TASP1: variants seen among roughly 807,000 people sequenced by gnomAD.
The protein encoded by TASP1 is threonine aspartase 1.
Under a neutral mutation model 56.6 loss-of-function variants are expected in TASP1, and 16 were observed. The observed-to-expected ratio is 0.28, with a 90% CI of 0.19 to 0.43. The LOEUF (loss-of-function observed/expected upper bound fraction) is 0.43, where lower values mean the gene tolerates loss of function less well. Ranked by LOEUF, TASP1 falls within the 20% of genes least tolerant of loss-of-function variation. TASP1 has a pLI of 1.00. For synonymous variants in TASP1, 179 were observed against 184.2 expected, an observed-to-expected ratio of 0.97 and a Z score of 0.23; for missense variants, 393 against 511.6, an observed-to-expected ratio of 0.77 and a Z score of 2.24.
intron 3 of TASP1, among the ~76,000 whole-genome samples, chr20:13,623,732 A>G (rs2147533863): frequency 6.6e-6 from 1 of 152,366 alleles, no homozygotes; most frequent in African/African-American, 2.4e-5. Context: ...AAATTAAAAC[A>G]ATAAAATCTA....
intron 7 of TASP1, among the ~76,000 whole-genome samples, chr20:13,564,524 T>A (rs6042217): frequency 0.011 from 1,691 of 151,490 alleles, 41 homozygotes; most frequent in African/African-American, 0.038. Context: ...AATCTACAGA[T>A]TCAGTGTAAT....
intron 6 of TASP1, among the ~76,000 whole-genome samples, chr20:13,578,028 C>T (rs1009796258): frequency 6.6e-6 from 1 of 152,174 alleles, no homozygotes; most frequent in African/African-American, 2.4e-5. Context: ...GATAGAAATG[C>T]TGGAGCATAC....
At chr20:13,299,488 C>T in the TASP1 span, 3 of 1,569,762 alleles carry the variant, frequency 1.9e-6, no homozygotes, top group Non-Finnish European at 1.7e-6. The surrounding 1 kb of genome is among the most constrained non-coding windows in gnomAD (Gnocchi z 5.8). Flanking sequence ...GAGGACGCTG[C>T]CTCTGGTTCT....
At chr20:13,161,122 A>G in the TASP1 span, among the ~76,000 whole-genome samples, 1 of 152,220 alleles carries the variant, frequency 6.6e-6, no homozygotes, top group African/African-American at 2.4e-5. Flanking sequence ...CAAATATTAC[A>G]AATGAATGGA....
chr20:13,117,869 A>G, the TASP1 span: 3 of 702,776 alleles, frequency 4.3e-6, no homozygotes, highest in Non-Finnish European at 2.3e-6. Context: ...GTGGGTTCAC[A>G]GCCAGATAAG....
chr20:13,531,787 C>A (rs190135004), intron 9 of TASP1, among the ~76,000 whole-genome samples: 59 of 152,302 alleles, frequency 3.9e-4, no homozygotes, highest in Admixed American at 1.3e-3. Flanking sequence ...CCTTATCCCC[C>A]CCAACTGGCT....
At chr20:13,512,698 T>C (rs935968344) in intron 10 of TASP1, among the ~76,000 whole-genome samples, 1 of 152,214 alleles carries the variant, frequency 6.6e-6, no homozygotes, top group East Asian at 1.9e-4. Flanking sequence ...CTGAATGGTA[T>C]TGCCTAGGTT....
At chr20:13,137,408 G>C in the TASP1 span, among the ~76,000 whole-genome samples, 1 of 152,004 alleles carries the variant, frequency 6.6e-6, no homozygotes, top group South Asian at 2.1e-4. Context: ...CTGGGAGAAG[G>C]CTCTCCATTC....
the TASP1 span, among the ~76,000 whole-genome samples, chr20:13,142,192 A>AAG: frequency 3.3e-5 from 5 of 152,160 alleles, no homozygotes; most frequent in Non-Finnish European, 7.4e-5. Flanking sequence ...AAAGAATGTA[A>AAG]AGAGAATCTG....
At chr20:13,486,199 G>T (rs939062729) in intron 10 of TASP1, among the ~76,000 whole-genome samples, 1 of 152,158 alleles carries the variant, frequency 6.6e-6, no homozygotes, top group African/African-American at 2.4e-5. Context: ...GAGCTGAAGT[G>T]TGATTCAAAG....
intron 11 of TASP1, among the ~76,000 whole-genome samples, chr20:13,475,221 A>G (rs973577294): frequency 4.6e-5 from 7 of 152,136 alleles, no homozygotes; most frequent in Non-Finnish European, 8.8e-5. Context: ...GATTTTGCTA[A>G]GATATCTTAA....
chr20:13,172,145 T>C, the TASP1 span, among the ~76,000 whole-genome samples: 1 of 152,092 alleles, frequency 6.6e-6, no homozygotes, highest in Non-Finnish European at 1.5e-5. Flanking sequence ...GAAAGCATTA[T>C]AATCCCTGAG....
rs115453045 is a variant in TASP1, at chr20:13,391,450, A to T, written c.1171-998T>A. 4.4e-3 allele frequency among the ~76,000 whole-genome samples: 666 copies of T among 152,262 alleles called. 5 individuals are homozygous for T. Among genetic ancestry groups the T allele is most frequent in the African/African-American group, 0.015 (644 of 41,554 alleles). On this transcript the variant is annotated intron_variant, in intron 13 of 13. Transcript: ENST00000337743. ...TCTAAGAAGAAAGAGGGGCTGCATA[A>T]ACTTCACGCAATCCTCTCTACTTGT... is the stretch of plus-strand genomic sequence containing the variant.
the TASP1 span, among the ~76,000 whole-genome samples, chr20:13,248,561 C>T: frequency 2.0e-5 from 3 of 152,346 alleles, no homozygotes; most frequent in South Asian, 6.2e-4. Flanking sequence ...TTGAACTTTA[C>T]CTCTTGAGCC....
chr20:13,362,808 AATAT>A, the TASP1 span, among the ~76,000 whole-genome samples: 50 of 114,838 alleles, frequency 4.4e-4, 1 homozygote, highest in Middle Eastern at 4.5e-3. Flanking sequence ...AATAGCAAGA[AATAT>A]ATATATATAT....
chr20:13,478,346 TAC>T lies in TASP1; in HGVS notation c.985+4879_985+4880del, dbSNP rs35289716. Among the ~76,000 whole-genome samples, 732 of 140,160 alleles carry T rather than the reference TAC, an allele frequency of 5.2e-3. 1 individual carries two copies. Among genetic ancestry groups the T allele is most frequent in the African/African-American group, 0.015 (579 of 37,838 alleles). 92.0% of individuals were successfully genotyped at this position (140,160 alleles called of 152,430 possible). ...CAACAGATGACTAAAGAAAATATGA[TAC>T]ACACACACACACACACACACACACA... On this transcript the variant is annotated intron_variant, in intron 11 of 13. Coordinates refer to ENST00000337743, the MANE Select transcript of TASP1 (RefSeq NM_017714.3).
chr20:13,406,696 T>C (rs2123689154), intron 13 of TASP1, among the ~76,000 whole-genome samples: 1 of 145,132 alleles, frequency 6.9e-6, no homozygotes, highest in African/African-American at 2.5e-5. Flanking sequence ...TGAGACAGTC[T>C]CACTCTGTCA....
intron 10 of TASP1, among the ~76,000 whole-genome samples, chr20:13,496,343 C>T (rs764394959): frequency 3.8e-4 from 58 of 152,200 alleles, no homozygotes; most frequent in Non-Finnish European, 6.8e-4. Flanking sequence ...GAGTGAGCCA[C>T]TGCGCCCGGT....
At chr20:13,198,567 T>C in the TASP1 span, among the ~76,000 whole-genome samples, 1 of 152,212 alleles carries the variant, frequency 6.6e-6, no homozygotes, top group African/African-American at 2.4e-5. Context: ...TAACATGAGA[T>C]CTACCCTCTT....
Sources: allele counts gnomAD v4.1 joint callset (sites outside exome capture counted in the v4.1 genomes callset), GRCh38; gene constraint gnomAD v4.1.1; non-coding constraint Gnocchi (gnomAD v3.1); transcripts MANE v1.5; gene names NCBI Gene and HGNC (gene_info 2026-07-23, HGNC 2026-07-21).